Variants in GKAP1 observed in about 807,000 individuals in gnomAD.
GKAP1 encodes the protein G kinase-anchoring protein 1.
GKAP1 carries 31 observed loss-of-function variants against 56.7 expected under a neutral mutation model. That is an observed-to-expected ratio of 0.55 (90% CI 0.41 to 0.74). GKAP1 has a LOEUF of 0.74. Among genes scored for constraint, GKAP1 ranks in the 30% least tolerant of loss-of-function variants. GKAP1 has a pLI of 0.00. For synonymous variants in GKAP1, 151 were observed against 138.6 expected (o/e 1.09, Z -0.63); for missense variants, 364 against 402.3 (o/e 0.90, Z 0.82).
Position 83,817,632 on chromosome 9 carries a change from G to C in GKAP1, c.-291C>G, listed in dbSNP as rs1343979062. On this transcript the variant is annotated 5_prime_UTR_variant, in exon 1 of 13. Coordinates refer to ENST00000376371, the MANE Select transcript of GKAP1 (RefSeq NM_025211.4). ...TTGGGACTGGTCTGGGTCAAGTGTC[G>C]GCAGAGCTGGGGGCAGGCTCGCGCC... 2 of 151,206 alleles carry C rather than the reference G, an allele frequency of 1.3e-5. No homozygotes were observed. The highest frequency in any genetic ancestry group is 1.5e-5 in the Non-Finnish European group (1 of 67,712). 9.4% of individuals were successfully genotyped at this position (151,206 alleles called of 1,614,324 possible).
At chr9:83,807,700 T>G (rs1041145689) in intron 2 of GKAP1, among the ~76,000 whole-genome samples, 1 of 152,232 alleles carries the variant, frequency 6.6e-6, no homozygotes, top group African/African-American at 2.4e-5. Flanking sequence ...TGATTCACAG[T>G]GATCATATTT....
Position 83,800,574 on chromosome 9 carries a change from TCCCACCCAC to T in GKAP1, c.217-1255_217-1247del, listed in dbSNP as rs574406032. Among the ~76,000 whole-genome samples the T allele has an allele frequency of 3.7e-4, 57 of 152,216 alleles. No homozygotes were observed. The East Asian group carries it at 9.3e-3, about 25-fold the overall frequency. On this transcript the variant is annotated intron_variant, in intron 3 of 12. Transcript: ENST00000376371. ...GTCTTGAACTCCTGACCTCAGGTGA[TCCCACCCAC>T]CTCAGCCTCCCAAAAGTGTTGGGAT...
intron 10 of GKAP1, among the ~76,000 whole-genome samples, chr9:83,745,353 A>G (rs1003992078): frequency 2.0e-5 from 3 of 151,924 alleles, no homozygotes; most frequent in African/African-American, 7.3e-5. Context: ...TTTTGCAGAG[A>G]CTAGTGATTT....
chr9:83,772,971 T>C (rs905735501), intron 7 of GKAP1, among the ~76,000 whole-genome samples: 3 of 152,202 alleles, frequency 2.0e-5, no homozygotes, highest in Non-Finnish European at 2.9e-5. Flanking sequence ...CTCTCATATA[T>C]TGCTGGTGGG....
chr9:83,803,227 C>CTCTCCCCTCTCCCA (rs1237166613), intron 3 of GKAP1, among the ~76,000 whole-genome samples: 6 of 150,148 alleles, frequency 4.0e-5, no homozygotes, highest in Admixed American at 6.6e-5. Context: ...ATGTAGCTCC[C>CTCTCCCCTCTCCCA]TCTCCCCTCT....
At chr9:83,810,073 A>G (rs1016856503) in intron 2 of GKAP1, among the ~76,000 whole-genome samples, 3 of 152,142 alleles carry the variant, frequency 2.0e-5, no homozygotes, top group African/African-American at 4.8e-5. Flanking sequence ...TAGCCTCCCA[A>G]AGTGCTGGGA....
intron 10 of GKAP1, 88 bp from the exon 11 acceptor site, chr9:83,742,688 A>G: frequency 1.4e-6 from 1 of 695,740 alleles, no homozygotes; most frequent in Non-Finnish European, 2.5e-6. Context: ...ATAGCAGTGC[A>G]ATTAGAACAA....
intron 2 of GKAP1, among the ~76,000 whole-genome samples, chr9:83,814,549 T>C (rs1383882341): frequency 6.6e-6 from 1 of 152,228 alleles, no homozygotes; most frequent in East Asian, 1.9e-4. Context: ...CTAGCCCCTA[T>C]GATCCTGATT....
At chr9:83,783,085 T>C (rs1944004429) in intron 6 of GKAP1, among the ~76,000 whole-genome samples, 1 of 152,224 alleles carries the variant, frequency 6.6e-6, no homozygotes, top group Non-Finnish European at 1.5e-5. Context: ...CAATATAATC[T>C]TCTAAATATA....
intron 12 of GKAP1, 37 bp downstream of exon 12, chr9:83,741,915 T>C (rs768228461): frequency 2.0e-5 from 26 of 1,280,174 alleles, no homozygotes; most frequent in Non-Finnish European, 2.8e-5. Context: ...AAATGTATTA[T>C]TTGTGATAAA....
At chr9:83,779,446 T>TACACACAC (rs1451197767) in intron 7 of GKAP1, among the ~76,000 whole-genome samples, 1,603 of 118,014 alleles carry the variant, frequency 0.014, 141 homozygotes, top group Admixed American at 0.098. Flanking sequence ...TATATATATA[T>TACACACAC]ATACACACAC....
At chr9:83,743,527 G>A (rs1393094860) in intron 10 of GKAP1, among the ~76,000 whole-genome samples, 2 of 152,070 alleles carry the variant, frequency 1.3e-5, no homozygotes, top group African/African-American at 2.4e-5. Flanking sequence ...CCCATGAGGC[G>A]GAGGCTGCAG....
rs573150889 is a variant in GKAP1 at position 83,793,660 on chromosome 9, G to A, written c.361-4982C>T. 7.9e-5 allele frequency among the ~76,000 whole-genome samples: 12 copies of A among 152,148 alleles called. No homozygotes were observed. The East Asian group carries it at 1.4e-3, about 17-fold the overall frequency. On this transcript the variant is annotated intron_variant, in intron 4 of 12. Coordinates refer to ENST00000376371, the MANE Select transcript of GKAP1 (RefSeq NM_025211.4). ...TAAAAGTAGTAATGAAAATAGAACC[G>A]TAAATAATGCAACTTATAAAAACAC... is the stretch of plus-strand genomic sequence containing the variant.
intron 4 of GKAP1, among the ~76,000 whole-genome samples, chr9:83,794,949 A>T (rs112944350): frequency 0.01 from 1,595 of 152,116 alleles, 23 homozygotes; most frequent in African/African-American, 0.036. Context: ...TGAGGTCAGG[A>T]GTTCGAGACC....
chr9:83,741,098 C>T (rs530577263), intron 12 of GKAP1, among the ~76,000 whole-genome samples: 1 of 152,150 alleles, frequency 6.6e-6, no homozygotes, highest in South Asian at 2.1e-4. Context: ...TACCCACCCA[C>T]TATACATAAA....
At chr9:83,769,285 G>T (rs903261774) in intron 7 of GKAP1, among the ~76,000 whole-genome samples, 1 of 152,030 alleles carries the variant, frequency 6.6e-6, no homozygotes, top group African/African-American at 2.4e-5. Flanking sequence ...CAAGACACTG[G>T]TTTTTTAATA....
chr9:83,798,503 A>G (rs1323775124), intron 4 of GKAP1, among the ~76,000 whole-genome samples: 2 of 152,090 alleles, frequency 1.3e-5, no homozygotes, highest in African/African-American at 4.8e-5. Flanking sequence ...TTTAAGCAAA[A>G]CTGTCACTGG....
chr9:83,784,917 A>G (rs776356581), intron 5 of GKAP1, 79 bp from the exon 6 acceptor site: 21 of 1,146,336 alleles, frequency 1.8e-5, no homozygotes, highest in African/African-American at 7.9e-5. Context: ...TATGTTTCTT[A>G]AAGTTTATTT....
Position 83,806,438 on chromosome 9 carries a change from G to C in GKAP1, c.80C>G (p.Ser27Cys). 1 of 1,613,668 alleles carries C rather than the reference G, an allele frequency of 6.2e-7. No homozygotes were observed. The highest frequency in any genetic ancestry group is 1.1e-5 in the South Asian group (1 of 90,996). Residue 27 changes from serine to cysteine, a missense_variant, in exon 3 of 13, where the codon TCT (serine) becomes TGT (cysteine). By Grantham distance (112) the Ser-to-Cys change is moderately radical (BLOSUM62 -1). Coordinates refer to ENST00000376371, the MANE Select transcript of GKAP1 (RefSeq NM_025211.4). ...ALLQVDSGSG[S>C]DSEPGKGKGR... Reference sequence around the variant, plus strand: ...TTTACCTTTTCCAGGTTCAGAATCAGAGCCACTGCCACTATCCACTTGTAA... The same window carrying C: ...TTTACCTTTTCCAGGTTCAGAATCACAGCCACTGCCACTATCCACTTGTAA...
Sources: allele counts gnomAD v4.1 joint callset (sites outside exome capture counted in the v4.1 genomes callset), GRCh38; gene constraint gnomAD v4.1.1; transcripts MANE v1.5; gene names NCBI Gene and HGNC (gene_info 2026-07-23, HGNC 2026-07-21).